PLEKHG6: variants seen among roughly 807,000 people sequenced by gnomAD.
PLEKHG6 encodes the protein pleckstrin homology domain-containing family G member 6.
A neutral mutation model predicts 97.5 loss-of-function variants in PLEKHG6; 91 were observed. The ratio of observed to expected loss-of-function variants is 0.93; its 90% CI spans 0.79 to 1.11. PLEKHG6 has a LOEUF of 1.11. Among genes scored for constraint, PLEKHG6 ranks in the 50% most tolerant of loss-of-function variants. The probability of loss-of-function intolerance (pLI) is 0.00; values close to 1 mark genes in which losing one functional copy is unlikely to be tolerated. For synonymous variants in PLEKHG6, 466 were observed against 425.5 expected (o/e 1.10, Z -1.17); for missense variants, 1,044 against 1,031.0 (o/e 1.01, Z -0.17).
chr12:6,320,737 G>C (rs74495690), intron 13 of PLEKHG6, among the ~76,000 whole-genome samples: 1,713 of 152,230 alleles, frequency 0.011, 39 homozygotes, highest in African/African-American at 0.04. Flanking sequence ...CTATCTTTTG[G>C]GGGGGCCACT....
In PLEKHG6 at chr12:6,318,349, G is replaced by A. The variant is rs1192122271; in HGVS notation, c.1204G>A (p.Val402Ile). The change falls in exon 11 of 16, where the codon GTT (valine) becomes ATT (isoleucine). Residue 402 changes from valine to isoleucine, a missense_variant. Coordinates refer to ENST00000684764, the MANE Select transcript of PLEKHG6 (RefSeq NM_001384598.1). ...TLDLTSPMLG[V>I]ASEHTRQLLL... ...GGACCTGACGTCCCCCATGCTGGGG[G>A]TTGCATCTGAGCACACCAGACAGCT... is the stretch of plus-strand genomic sequence containing the variant. 7 of 1,614,074 alleles carry A rather than the reference G, an allele frequency of 4.3e-6. No homozygotes were observed. Among genetic ancestry groups the A allele is most frequent in the African/African-American group, 1.3e-5 (1 of 75,054 alleles).
In PLEKHG6 at chr12:6,316,550, C is replaced by T; in HGVS notation, c.756+146C>T. ...CCCTACCCCTAATATCACCTCACCT[C>T]CTCCCTTCATGCCACAAGTCTGACC... On this transcript the variant is annotated intron_variant, in intron 7 of 15. Transcript: ENST00000684764. This position sits in a 1 kb window ranked among gnomAD's most constrained non-coding sequence, Gnocchi z 4.1. 1.5e-6 allele frequency: 1 copy of T among 683,656 alleles called. No individual in the cohort carries two copies. Among genetic ancestry groups the T allele is most frequent in the Non-Finnish European group, 2.3e-6 (1 of 440,622 alleles). 42.3% of individuals were successfully genotyped at this position (683,656 alleles called of 1,614,324 possible). A position where few individuals can be genotyped will look rare whatever the true frequency, so the allele number is the denominator to read the frequency against.
chr12:6,318,895 G>T lies in PLEKHG6; in HGVS notation c.1408+18G>T, dbSNP rs765648643. 6.2e-7 allele frequency: 1 copy of T among 1,614,154 alleles called. No homozygotes were observed. The highest frequency in any genetic ancestry group is 1.7e-5 in the Admixed American group (1 of 60,016). On this transcript the variant is annotated intron_variant, in intron 12 of 15. Coordinates refer to ENST00000684764, the MANE Select transcript of PLEKHG6 (RefSeq NM_001384598.1). ...AGACCCCAGTACGTCCTTCCTTCAG[G>T]GAGTCTTTTCTTCTCCCTCTTCTCA...
At position 6,315,302 on chromosome 12, in the gene PLEKHG6, T is replaced by C. The variant is rs1947417467; in HGVS notation, c.459+133T>C. ...ACATCTGGAAACGCGTTGATCTGGG[T>C]TCAGATCCCAGCTCTGCCACTTACT... On this transcript the variant is annotated intron_variant, in intron 4 of 15. Transcript: ENST00000684764. This position sits in a 1 kb window ranked among gnomAD's most constrained non-coding sequence, Gnocchi z 4.5. The C allele has an allele frequency of 1.0e-6, 1 of 961,408 alleles. No individual in the cohort carries two copies. The highest frequency in any genetic ancestry group is 1.5e-6 in the Non-Finnish European group (1 of 655,646). The allele number at this position is 961,408 out of a possible 1,614,324, so 59.6% of individuals were successfully genotyped here. A position where few individuals can be genotyped will look rare whatever the true frequency, so the allele number is the denominator to read the frequency against.
At position 6,327,827 on chromosome 12, in the gene PLEKHG6, C is replaced by T. The variant is rs370903595; in HGVS notation, c.2244C>T (p.Ser748=). Residue 748 remains serine, a synonymous_variant, in exon 15 of 16, where the codon AGC becomes AGT. Transcript: ENST00000684764. ...MLREIREELA[S]QRIEGAEEPR... ...GAGAGATCCGGGAGGAGCTGGCCAG[C>T]CAAAGGATTGAGGGGGCCGAGGAGC... The T allele has an allele frequency of 4.0e-6, 6 of 1,510,636 alleles. No individual in the cohort carries two copies. Among genetic ancestry groups the T allele is most frequent in the East Asian group, 4.6e-5 (2 of 43,812 alleles). The allele number at this position is 1,510,636 out of a possible 1,614,324, so 93.6% of individuals were successfully genotyped here.
Position 6,317,986 on chromosome 12 carries a change from G to T in PLEKHG6, c.1147G>T (p.Val383Leu). The stretch of plus-strand genomic sequence containing the variant: ...GGTGCTGGAGCCACCCAGTGATGAG[G>T]TGGAGAAGGTGAGAGGGCAAAGGGA... ...YEVLEPPSDE[V>L]EKNLRPFSTL... The change falls in exon 10 of 16, where the codon GTG (valine) becomes TTG (leucine). Residue 383 changes from valine (V) to leucine (L), a missense_variant. Val to Leu is a conservative substitution (Grantham distance 32, BLOSUM62 1). Coordinates refer to ENST00000684764, the MANE Select transcript of PLEKHG6 (RefSeq NM_001384598.1). 1 of 1,589,218 alleles carries T rather than the reference G, an allele frequency of 6.3e-7. No individual in the cohort carries two copies. Among genetic ancestry groups the T allele is most frequent in the Non-Finnish European group, 8.6e-7 (1 of 1,167,460 alleles).
Position 6,315,487 on chromosome 12 carries a change from C to A in PLEKHG6, c.460-67C>A. The A allele has an allele frequency of 9.3e-7, 1 of 1,077,632 alleles. No homozygotes were observed. 66.8% of individuals were successfully genotyped at this position (1,077,632 alleles called of 1,614,324 possible). ...AACCTATGAAGTGGATCCGGTCGCA[C>A]TTAACAGCTGGTACTTGCCATTCTA... On this transcript the variant is annotated intron_variant, in intron 4 of 15. Coordinates refer to ENST00000684764, the MANE Select transcript of PLEKHG6 (RefSeq NM_001384598.1). The surrounding 1 kb of genome is among the most constrained non-coding windows in gnomAD (Gnocchi z 4.5).
rs1201305605 is a variant in PLEKHG6 at position 6,328,143 on chromosome 12, T to C, written c.2371T>C (p.Ter791ArgextTer83). The change falls in exon 16 of 16, where the codon TGA becomes CGA. Residue 791 changes from the stop codon to arginine, a stop_lost. Transcript: ENST00000684764. ...LDTPLSASEV* is the reference protein window; with the variant it reads ...LDTPLSASEVR ...CCCCTCCTGTCTTTTCAGAGAGGTATGAGGAATGCAGAGGACCTTTGGCAT... is the reference window on the plus strand; with the variant it reads ...CCCCTCCTGTCTTTTCAGAGAGGTACGAGGAATGCAGAGGACCTTTGGCAT... 3.1e-6 allele frequency: 5 copies of C among 1,614,048 alleles called. No individual in the cohort carries two copies. The South Asian group carries it at 4.4e-5, about 14-fold the overall frequency.
At chr12:6,317,274 C>T (rs374791830) in intron 7 of PLEKHG6, 29 bp from the exon 8 acceptor site, 26 of 1,441,746 alleles carry the variant, frequency 1.8e-5, no homozygotes, top group Non-Finnish European at 2.3e-5. Flanking sequence ...CCCATGCCTG[C>T]TCCCCACCTC....
chr12:6,313,510 C>G, intron 2 of PLEKHG6, 119 bp from the exon 3 acceptor site: 1 of 1,234,218 alleles, frequency 8.1e-7, no homozygotes, highest in Admixed American at 2.1e-5. Flanking sequence ...AGAAGTGAGC[C>G]AGCCCGACTT....
At chr12:6,313,106 T>C (rs10849440) in intron 2 of PLEKHG6, 1,494,682 of 1,538,190 alleles carry the variant, frequency 0.97, 726,348 homozygotes, top group East Asian at 1. Context: ...TGGCTGTGGC[T>C]TCAGCCTTTC....
rs1947443736 is a variant in PLEKHG6, at chr12:6,315,978, G to C, written c.606+59G>C. On this transcript the variant is annotated intron_variant, in intron 6 of 15. Transcript: ENST00000684764. This position sits in a 1 kb window ranked among gnomAD's most constrained non-coding sequence, Gnocchi z 4.5. Reference sequence around the variant, plus strand: ...GCCCGACCTCTGAGCCTGGGGATGAGGGTGGGCCCTCCAGCCATCCCTGTC... The same window carrying C: ...GCCCGACCTCTGAGCCTGGGGATGACGGTGGGCCCTCCAGCCATCCCTGTC... 1 of 1,442,326 alleles carries C rather than the reference G, an allele frequency of 6.9e-7. No individual in the cohort carries two copies. Among genetic ancestry groups the C allele is most frequent in the South Asian group, 1.3e-5 (1 of 79,728 alleles). The allele number at this position is 1,442,326 out of a possible 1,614,324, so 89.3% of individuals were successfully genotyped here.
Position 6,318,805 on chromosome 12 carries a change from G to A in PLEKHG6, c.1336G>A (p.Ala446Thr), listed in dbSNP as rs1434068577. 6.2e-7 allele frequency: 1 copy of A among 1,614,202 alleles called. No individual in the cohort carries two copies. Among genetic ancestry groups the A allele is most frequent in the East Asian group, 2.2e-5 (1 of 44,884 alleles). Residue 446 changes from alanine (A) to threonine (T), a missense_variant, in exon 12 of 16, where the codon GCG becomes ACG. Ala to Thr is a moderately conservative substitution (Grantham distance 58). Coordinates refer to ENST00000684764, the MANE Select transcript of PLEKHG6 (RefSeq NM_001384598.1). ...CCTTGTGACCAAGCCCCAGCGCAAGGCGGACAAAGCCAAGGTCATCCGACC... is the reference window on the plus strand; with the variant it reads ...CCTTGTGACCAAGCCCCAGCGCAAGACGGACAAAGCCAAGGTCATCCGACC... ...VLLVTKPQRK[A>T]DKAKVIRPPL...
In PLEKHG6 at chr12:6,327,640, A is replaced by G; in HGVS notation, c.2057A>G (p.His686Arg). 2 of 1,565,172 alleles carry G rather than the reference A, an allele frequency of 1.3e-6. No homozygotes were observed. Among genetic ancestry groups the G allele is most frequent in the African/African-American group, 1.4e-5 (1 of 73,544 alleles). The change falls in exon 15 of 16, where the codon CAC becomes CGC. Residue 686 changes from histidine (H) to arginine (R), a missense_variant. Coordinates refer to ENST00000684764, the MANE Select transcript of PLEKHG6 (RefSeq NM_001384598.1). Reference protein sequence around the residue: ...ERGNVVVETLHRARLRGQLPS... With the variant: ...ERGNVVVETLRRARLRGQLPS... ...GGGAATGTGGTGGTGGAAACACTCC[A>G]CAGGGCCCGGCTTCGGGGCCAGCTT...
intron 2 of PLEKHG6, 65 bp from the exon 3 acceptor site, chr12:6,313,561 CCTA>C: frequency 6.4e-7 from 1 of 1,572,528 alleles, no homozygotes; most frequent in Non-Finnish European, 8.7e-7. Flanking sequence ...AGCCTGCCCC[CCTA>C]CTACCTCTCT....
rs749207197 is a variant in PLEKHG6 at position 6,319,046 on chromosome 12, C to T, written c.1462C>T (p.Leu488Phe). The change falls in exon 13 of 16, where the codon CTT (leucine) becomes TTT (phenylalanine). Residue 488 changes from leucine to phenylalanine, a missense_variant. Transcript: ENST00000684764. ...TEFQCVSSALLVHCPSPTDRA... is the reference protein window; with the variant it reads ...TEFQCVSSALFVHCPSPTDRA... The stretch of plus-strand genomic sequence containing the variant: ...ATTCCAGTGTGTCTCCAGCGCCCTC[C>T]TTGTGCACTGTCCCAGTCCTACAGA... 1 of 1,614,036 alleles carries T rather than the reference C, an allele frequency of 6.2e-7. No individual in the cohort carries two copies. Among genetic ancestry groups the T allele is most frequent in the Non-Finnish European group, 8.5e-7 (1 of 1,179,954 alleles).
chr12:6,314,882 C>G, intron 3 of PLEKHG6, 123 bp from the exon 4 acceptor site: 1 of 894,166 alleles, frequency 1.1e-6, no homozygotes. Flanking sequence ...TGCCATCTCC[C>G]ATTCCAGACA....
chr12:6,327,514 G>A lies in PLEKHG6; in HGVS notation c.1931G>A (p.Arg644Gln), dbSNP rs761100925. 45 of 1,045,754 alleles carry A rather than the reference G, an allele frequency of 4.3e-5. No homozygotes were observed. Among genetic ancestry groups the A allele is most frequent in the Admixed American group, 1.1e-4 (5 of 44,910 alleles). The allele number at this position is 1,045,754 out of a possible 1,614,324, so 64.8% of individuals were successfully genotyped here. Residue 644 changes from arginine (R) to glutamine (Q), a missense_variant, in exon 15 of 16, where the codon CGA (arginine) becomes CAA (glutamine). Physicochemically the swap from Arg to Gln is conservative, Grantham distance 43. Transcript: ENST00000684764. ...HPPDPQAPQR[R>Q]SAPELPEGIL... ...CCCGACCCCCAAGCTCCTCAACGCC[G>A]AAGCGCCCCCGAACTGCCGGAAGGA...
intron 13 of PLEKHG6, among the ~76,000 whole-genome samples, chr12:6,323,426 G>A (rs745934472): frequency 1.3e-5 from 2 of 152,194 alleles, no homozygotes; most frequent in Non-Finnish European, 2.9e-5. Flanking sequence ...GCAATCCCCA[G>A]GGGGCAGACT....
Sources: gnomAD v4.1 joint callset for allele counts (sites outside exome capture counted in the v4.1 genomes callset) on GRCh38, gnomAD v4.1.1 for gene constraint, Gnocchi (gnomAD v3.1) non-coding constraint, MANE v1.5 for transcripts, NCBI Gene and HGNC (gene_info 2026-07-23, HGNC 2026-07-21) for gene names.